DCTN2: variants seen among roughly 807,000 people sequenced by gnomAD.
The protein encoded by DCTN2 is 50 kDa dynein-associated polypeptide.
A neutral mutation model predicts 55.4 loss-of-function variants in DCTN2; 18 were observed. The observed-to-expected ratio is 0.32, with a 90% confidence interval of 0.22 to 0.48. DCTN2 has a LOEUF of 0.48. DCTN2 is among the 20% of genes least tolerant of loss of function. DCTN2 has a pLI of 0.99. For missense variants in DCTN2, 390 were observed against 491.0 expected, an observed-to-expected ratio of 0.79 and a Z score of 1.94; for synonymous variants, 168 against 185.2, an observed-to-expected ratio of 0.91 and a Z score of 0.76.
intron 7 of DCTN2, 149 bp downstream of exon 7, chr12:57,533,804 C>T (rs1879971678): frequency 6.0e-6 from 5 of 833,682 alleles, no homozygotes; most frequent in Non-Finnish European, 9.0e-6. Flanking sequence ...ACATAGAGAA[C>T]AACGAATCAG....
Position 57,532,784 on chromosome 12 carries a change from C to T in DCTN2, c.801G>A (p.Lys267=), listed in dbSNP as rs14931. Residue 267 remains lysine, a synonymous_variant, in exon 10 of 14, where the codon AAG becomes AAA. Coordinates refer to ENST00000548249, the MANE Select transcript of DCTN2 (RefSeq NM_001261413.2). ...AAACTGCAAGGTCTAGGGCGCTCACCTTTGCTTGCAACAGCTCTACAGTCT... is the reference window on the plus strand; with the variant it reads ...AAACTGCAAGGTCTAGGGCGCTCACTTTTGCTTGCAACAGCTCTACAGTCT... ...LMETVELLQA[K]VSALDLAVLD... 1 of 1,614,018 alleles carries T rather than the reference C, an allele frequency of 6.2e-7. No individual in the cohort carries two copies. Among genetic ancestry groups the T allele is most frequent in the African/African-American group, 1.3e-5 (1 of 75,026 alleles).
chr12:57,531,628 C>G (rs76355885), intron 13 of DCTN2, among the ~76,000 whole-genome samples: 1 of 152,262 alleles, frequency 6.6e-6, no homozygotes, highest in South Asian at 2.1e-4. Context: ...AGCGACAGAA[C>G]GAGATTAGGG....
At chr12:57,532,139 C>T (rs1236292090) in intron 12 of DCTN2, 33 bp from the exon 13 acceptor site, 1 of 1,553,052 alleles carries the variant, frequency 6.4e-7, no homozygotes, top group East Asian at 2.4e-5. Context: ...AGACTTGAAT[C>T]CAAGATAAGG....
At chr12:57,543,918 A>C in intron 2 of DCTN2, 1 of 842,614 alleles carries the variant, frequency 1.2e-6, no homozygotes, top group Non-Finnish European at 1.7e-6. Flanking sequence ...GGGGAGAAAC[A>C]GCCAATCAGA....
intron 6 of DCTN2, 34 bp downstream of exon 6, chr12:57,534,258 C>A: frequency 6.4e-7 from 1 of 1,552,020 alleles, no homozygotes; most frequent in African/African-American, 1.4e-5. Flanking sequence ...CAACCCCAGT[C>A]AGCAATGATT....
At chr12:57,544,759 A>C (rs1881006991) in intron 2 of DCTN2, among the ~76,000 whole-genome samples, 1 of 152,106 alleles carries the variant, frequency 6.6e-6, no homozygotes, top group Non-Finnish European at 1.5e-5. Context: ...GGAACCCATA[A>C]ATACAGAGAA....
At chr12:57,546,993 C>T (rs958894665) in intron 1 of DCTN2, 35 bp downstream of exon 1, 20 of 1,281,180 alleles carry the variant, frequency 1.6e-5, no homozygotes, top group Non-Finnish European at 2.0e-5. Flanking sequence ...GTCGGGGGCG[C>T]GGTCCTGGGG....
rs772224268 is a variant in DCTN2 at position 57,532,048 on chromosome 12, A to C, written c.1086T>G (p.Asn362Lys). ...AGAGGGTGGTATTGTCCTTCAAGGA[A>C]TTAGCAATCATCTGCTGGGTGGTAT... Reference protein sequence around the residue: ...HLDTTQQMIANSLKDNTTLLT... With the variant: ...HLDTTQQMIAKSLKDNTTLLT... The change falls in exon 13 of 14, where the codon AAT becomes AAG. Residue 362 changes from asparagine (N) to lysine (K), a missense_variant. Asn to Lys is a moderately conservative substitution (Grantham distance 94). Coordinates refer to ENST00000548249, the MANE Select transcript of DCTN2 (RefSeq NM_001261413.2). The C allele has an allele frequency of 1.3e-6, 2 of 1,565,816 alleles. No homozygotes were observed. Among genetic ancestry groups the C allele is most frequent in the African/African-American group, 2.7e-5 (2 of 73,710 alleles).
intron 2 of DCTN2, chr12:57,543,733 T>C (rs988057634): frequency 1.6e-6 from 2 of 1,248,158 alleles, no homozygotes; most frequent in Non-Finnish European, 2.1e-6. Context: ...GAGAGTCACT[T>C]AGCTGAGCCT....
rs1880186936 is a variant in DCTN2 at position 57,535,813 on chromosome 12, G to A, written c.138C>T (p.Ile46=). ...EELTSTSVEH[I]IVNPNAAYDK... ...CATAGGCAGCATTAGGATTGACAATGATGTGTTCCACACTTGTGCTTGTCA... is the reference window on the plus strand; with the variant it reads ...CATAGGCAGCATTAGGATTGACAATAATGTGTTCCACACTTGTGCTTGTCA... The change falls in exon 3 of 14, where the codon ATC becomes ATT. Residue 46 remains isoleucine, a synonymous_variant. Transcript: ENST00000548249. 6.2e-7 allele frequency: 1 copy of A among 1,613,722 alleles called. No homozygotes were observed.
rs1880131782 is a variant in DCTN2, at chr12:57,535,231, T to C, written c.265-77A>G. ...CAAGAATTCATCCACACCCTGGGCC[T>C]AAGTCATAAAGGTATCATATCCAAT... On this transcript the variant is annotated intron_variant, in intron 4 of 13. Transcript: ENST00000548249. 1.2e-5 allele frequency: 15 copies of C among 1,243,780 alleles called. 1 individual carries two copies. Among genetic ancestry groups the C allele is most frequent in the Non-Finnish European group, 1.4e-5 (12 of 870,862 alleles). 77.0% of individuals were successfully genotyped at this position (1,243,780 alleles called of 1,614,324 possible).
chr12:57,535,835 G>A lies in DCTN2; in HGVS notation c.116C>T (p.Thr39Ile), dbSNP rs1436988593. ...AATGATGTGTTCCACACTTGTGCTT[G>A]TCAGCTCCTCCTGCAAGAACAGGTA... ...DQAEFDAEEL[T>I]STSVEHIIVN... is the part of the protein sequence containing the mutation. The change falls in exon 3 of 14, where the codon ACA becomes ATA. Residue 39 changes from threonine (T) to isoleucine (I), a missense_variant. Transcript: ENST00000548249. 6.2e-7 allele frequency: 1 copy of A among 1,613,146 alleles called. No individual in the cohort carries two copies. The highest frequency in any genetic ancestry group is 1.1e-5 in the South Asian group (1 of 90,852).
At chr12:57,539,957 T>C (rs1594890374) in intron 2 of DCTN2, 1 of 298,684 alleles carries the variant, frequency 3.3e-6, no homozygotes, top group African/African-American at 2.3e-5. Context: ...ACCCGGGAGG[T>C]GGAGGTTGCA....
rs1300429964 is a variant in DCTN2, at chr12:57,532,104, T to C, written c.1030A>G (p.Met344Val). 1.9e-6 allele frequency: 3 copies of C among 1,558,248 alleles called. No homozygotes were observed. Among genetic ancestry groups the C allele is most frequent in the Middle Eastern group, 3.3e-4 (2 of 6,002 alleles). The change falls in exon 13 of 14, where the codon ATG becomes GTG. Residue 344 changes from methionine (M) to valine (V), a missense_variant and splice_region_variant. Coordinates refer to ENST00000548249, the MANE Select transcript of DCTN2 (RefSeq NM_001261413.2). ...VTIKQLHEQA[M>V]QFGQLLTHLD... Reference sequence around the variant, plus strand: ...TGTGTCAGGAGCTGACCAAACTGCATGGCTACAAAAGAAAAGTATGGTTGA... The same window carrying C: ...TGTGTCAGGAGCTGACCAAACTGCACGGCTACAAAAGAAAAGTATGGTTGA...
At chr12:57,535,657 C>G (rs1880171363) in intron 3 of DCTN2, 92 bp downstream of exon 3, 1 of 1,515,056 alleles carries the variant, frequency 6.6e-7, no homozygotes, top group Non-Finnish European at 9.2e-7. Context: ...CCCCTTCCCC[C>G]AAGCACAACT....
At position 57,539,242 on chromosome 12, in the gene DCTN2, C is replaced by T. The variant is rs554296671; in HGVS notation, c.106-3397G>A. 1.1e-4 allele frequency among the ~76,000 whole-genome samples: 16 copies of T among 152,340 alleles called. 1 individual carries two copies. The highest frequency in any genetic ancestry group is 3.4e-4 in the African/African-American group (14 of 41,582). On this transcript the variant is annotated intron_variant, in intron 2 of 13. Transcript: ENST00000548249. Reference sequence around the variant, plus strand: ...GAAGAGGCAGAGCTGCTCCTGGTCCCTTGTGCAGCCTGGCATGTTTGCCTC... The same window carrying T: ...GAAGAGGCAGAGCTGCTCCTGGTCCTTTGTGCAGCCTGGCATGTTTGCCTC...
chr12:57,541,755 T>TCG (rs1296863158), intron 2 of DCTN2, among the ~76,000 whole-genome samples: 1 of 151,958 alleles, frequency 6.6e-6, no homozygotes, highest in Non-Finnish European at 1.5e-5. Flanking sequence ...GGGGTTAGGG[T>TCG]CGGGGTGTGT....
Position 57,534,385 on chromosome 12 carries a change from G to T in DCTN2, c.431C>A (p.Ala144Asp). ...TPVLLAKQLA[A>D]LKQQLVASHL... ...GGAAGCAACCAGCTGCTGCTTCAGG[G>T]CTGCCAGCTGTTTAGCCAGCAACAC... Residue 144 changes from alanine to aspartate, a missense_variant, in exon 6 of 14, where the codon GCC becomes GAC. Ala to Asp is a moderately radical substitution (Grantham distance 126, BLOSUM62 -2). This residue lies in a region of DCTN2 where 117 missense variants were observed against 187.8 expected (regional missense o/e 0.62). Coordinates refer to ENST00000548249, the MANE Select transcript of DCTN2 (RefSeq NM_001261413.2). The T allele has an allele frequency of 6.2e-7, 1 of 1,612,830 alleles. No homozygotes were observed.
chr12:57,530,764 G>A lies in DCTN2; in HGVS notation c.1131C>T (p.Thr377=). Residue 377 remains threonine (T), a synonymous_variant, in exon 14 of 14, where the codon ACC becomes ACT. Transcript: ENST00000548249. ...CAACTGTGGCCAGGTTTTCACGCAT[G>A]GTTGTCTGCACCTACAAAGTGGTAG... ...NTTLLTQVQT[T]MRENLATVEG... 1 of 1,613,774 alleles carries A rather than the reference G, an allele frequency of 6.2e-7. No homozygotes were observed. Among genetic ancestry groups the A allele is most frequent in the Non-Finnish European group, 8.5e-7 (1 of 1,179,682 alleles).
Sources: gnomAD v4.1 joint callset for allele counts (sites outside exome capture counted in the v4.1 genomes callset) on GRCh38, gnomAD v4.1.1 for gene constraint, gnomAD v4.1.1 regional missense constraint, MANE v1.5 for transcripts, NCBI Gene and HGNC (gene_info 2026-07-23, HGNC 2026-07-21) for gene names.